Variants in SAXO1 observed in about 807,000 individuals in gnomAD.
The protein encoded by SAXO1 is 4930500O09Rik.
SAXO1 carries 21 observed loss-of-function variants against 17.5 expected under a neutral mutation model. That is an observed-to-expected ratio of 1.20 (90% confidence interval 0.85 to 1.72). The LOEUF (loss-of-function observed/expected upper bound fraction) is 1.72. SAXO1 is among the 40% of genes most tolerant of loss of function. The pLI, the probability that SAXO1 is intolerant of heterozygous loss-of-function variation, is 0.00. For synonymous variants in SAXO1, 274 were observed against 216.5 expected, an observed-to-expected ratio of 1.27 and a Z score of -2.33; for missense variants, 843 against 596.0, an observed-to-expected ratio of 1.41 and a Z score of -4.32.
rs559453163 is a variant in SAXO1 at position 18,957,496 on chromosome 9, C to A, written c.39-6559G>T. 4.6e-3 allele frequency among the ~76,000 whole-genome samples: 697 copies of A among 152,276 alleles called. 3 individuals are homozygous for A. The highest frequency in any genetic ancestry group is 0.015 in the African/African-American group (607 of 41,564). On this transcript the variant is annotated intron_variant, in intron 1 of 3. Coordinates refer to ENST00000380534, the MANE Select transcript of SAXO1 (RefSeq NM_153707.4). Reference sequence around the variant, plus strand: ...ACAATCCAATTTCAAACCCAAAGTTCAGACTCTTAAAGGATTTGCAGCCCA... The same window carrying A: ...ACAATCCAATTTCAAACCCAAAGTTAAGACTCTTAAAGGATTTGCAGCCCA...
Position 18,928,150 on chromosome 9 carries a change from A to T in SAXO1, c.1327T>A (p.Tyr443Asn), listed in dbSNP as rs1479982502. The change falls in exon 4 of 4, where the codon TAC becomes AAC. Residue 443 changes from tyrosine (Y) to asparagine (N), a missense_variant. Physicochemically the swap from Tyr to Asn is moderately radical, Grantham distance 143. Transcript: ENST00000380534. ...GAGCCTGCCTGGGAAACTGGTTTGT[A>T]TATCCTGTGACCCAAAGCATCCACT... ...EEVDALGHRI[Y>N]KPVSQAGSQQ... The T allele has an allele frequency of 3.1e-6, 5 of 1,614,190 alleles. No individual in the cohort carries two copies. Among genetic ancestry groups the T allele is most frequent in the Non-Finnish European group, 1.7e-6 (2 of 1,180,024 alleles).
At chr9:19,017,746 C>T (rs1347005014) in intron 1 of SAXO1, among the ~76,000 whole-genome samples, 1 of 152,220 alleles carries the variant, frequency 6.6e-6, no homozygotes, top group African/African-American at 2.4e-5. Context: ...TTAAAAATAT[C>T]CATGCCTATC....
At chr9:19,025,544 C>G (rs1379401328) in intron 1 of SAXO1, among the ~76,000 whole-genome samples, 1 of 152,160 alleles carries the variant, frequency 6.6e-6, no homozygotes, top group Non-Finnish European at 1.5e-5. Context: ...CACCTTCCTC[C>G]ACAAGCTCTG....
intron 3 of SAXO1, among the ~76,000 whole-genome samples, chr9:18,940,107 G>T (rs1418339119): frequency 2.0e-5 from 3 of 152,192 alleles, no homozygotes; most frequent in Non-Finnish European, 2.9e-5. Context: ...GACTCCATGG[G>T]GAGGGACAGA....
chr9:18,965,577 T>C (rs1418442793), intron 1 of SAXO1, among the ~76,000 whole-genome samples: 1 of 152,124 alleles, frequency 6.6e-6, no homozygotes, highest in Non-Finnish European at 1.5e-5. Flanking sequence ...ACCCCTGCTT[T>C]TTTTTTCTTT....
intron 1 of SAXO1, among the ~76,000 whole-genome samples, chr9:19,011,326 G>C (rs1464896816): frequency 6.6e-6 from 1 of 152,140 alleles, no homozygotes; most frequent in Non-Finnish European, 1.5e-5. Context: ...GGCAAGAATG[G>C]GCACAACCCC....
chr9:18,939,692 A>T (rs548164200), intron 3 of SAXO1, among the ~76,000 whole-genome samples: 1 of 152,362 alleles, frequency 6.6e-6, no homozygotes, highest in South Asian at 2.1e-4. Flanking sequence ...AGAAGACACC[A>T]GGACTTCCAA....
intron 1 of SAXO1, among the ~76,000 whole-genome samples, chr9:18,989,452 T>G (rs532401307): frequency 6.6e-6 from 1 of 152,204 alleles, no homozygotes; most frequent in Non-Finnish European, 1.5e-5. Flanking sequence ...TAGTTACTAA[T>G]GCAGATTTAT....
At chr9:18,975,443 C>G (rs1833108099) in intron 1 of SAXO1, among the ~76,000 whole-genome samples, 1 of 152,180 alleles carries the variant, frequency 6.6e-6, no homozygotes, top group Non-Finnish European at 1.5e-5. Context: ...AGAGCACACC[C>G]ATTTCAGACA....
At chr9:18,938,189 G>A (rs1831377172) in intron 3 of SAXO1, among the ~76,000 whole-genome samples, 1 of 152,154 alleles carries the variant, frequency 6.6e-6, no homozygotes, top group Admixed American at 6.5e-5. Context: ...GGAAACTGAG[G>A]AAGAAAATAG....
chr9:19,004,399 A>G (rs1329135779), intron 1 of SAXO1, among the ~76,000 whole-genome samples: 1 of 152,242 alleles, frequency 6.6e-6, no homozygotes, highest in Non-Finnish European at 1.5e-5. Flanking sequence ...TCATGCTACT[A>G]TAAAGACACA....
At chr9:19,018,178 AAAC>A (rs1427929440) in intron 1 of SAXO1, among the ~76,000 whole-genome samples, 2 of 151,962 alleles carry the variant, frequency 1.3e-5, no homozygotes, top group African/African-American at 4.8e-5. Context: ...AAAAAAAAAA[AAAC>A]AAACAAACAA....
chr9:18,996,650 G>C (rs545898562), intron 1 of SAXO1, among the ~76,000 whole-genome samples: 1 of 151,508 alleles, frequency 6.6e-6, no homozygotes, highest in African/African-American at 2.4e-5. Flanking sequence ...ATCCTTTCTC[G>C]ACAAAAAAAA....
At chr9:18,993,887 C>T (rs1168496684) in intron 1 of SAXO1, among the ~76,000 whole-genome samples, 1 of 152,184 alleles carries the variant, frequency 6.6e-6, no homozygotes, top group Non-Finnish European at 1.5e-5. Flanking sequence ...AGTCCAGAAT[C>T]CTAACCCCCA....
chr9:18,941,073 T>C (rs1455325319), intron 3 of SAXO1, among the ~76,000 whole-genome samples: 1 of 152,200 alleles, frequency 6.6e-6, no homozygotes, highest in Non-Finnish European at 1.5e-5. Context: ...ATTTGTATAC[T>C]TTTCCATATG....
chr9:19,022,606 A>G (rs1835294950), intron 1 of SAXO1, among the ~76,000 whole-genome samples: 1 of 152,240 alleles, frequency 6.6e-6, no homozygotes, highest in African/African-American at 2.4e-5. Context: ...GTGATTTTTA[A>G]AAATAGTTAC....
chr9:18,972,105 A>G (rs1832964682), intron 1 of SAXO1, among the ~76,000 whole-genome samples: 2 of 152,262 alleles, frequency 1.3e-5, no homozygotes, highest in South Asian at 4.1e-4. Context: ...GGATTTAAAG[A>G]GCATTTCTTA....
At chr9:19,046,466 C>T (rs929603690) in intron 1 of SAXO1, among the ~76,000 whole-genome samples, 2 of 152,026 alleles carry the variant, frequency 1.3e-5, no homozygotes, top group Non-Finnish European at 2.9e-5. Flanking sequence ...GAGGCCGAGG[C>T]GGGCAGATCA....
intron 1 of SAXO1, among the ~76,000 whole-genome samples, chr9:18,989,256 T>C (rs946253113): frequency 6.6e-6 from 1 of 152,196 alleles, no homozygotes; most frequent in Admixed American, 6.5e-5. Context: ...TTTCCTTCCC[T>C]ATTGCTTTTA....
Sources: gnomAD v4.1 joint callset for allele counts (sites outside exome capture counted in the v4.1 genomes callset) on GRCh38, gnomAD v4.1.1 for gene constraint, MANE v1.5 for transcripts, NCBI Gene and HGNC (gene_info 2026-07-23, HGNC 2026-07-21) for gene names.